Variants in MAST4 observed in about 807,000 individuals in gnomAD.
MAST4 encodes the protein microtubule-associated serine/threonine-protein kinase 4.
A neutral mutation model predicts 162.7 loss-of-function variants in MAST4; 89 were observed. The ratio of observed to expected loss-of-function variants is 0.55; its 90% CI spans 0.46 to 0.65. MAST4 has a LOEUF of 0.65. MAST4 is among the 30% of genes least tolerant of loss of function. The pLI is 0.00. For synonymous variants in MAST4, 1,479 were observed against 1,361.1 expected, an observed-to-expected ratio of 1.09 and a Z score of -1.91; for missense variants, 3,153 against 3,374.0, an observed-to-expected ratio of 0.93 and a Z score of 1.62.
At chr5:66,788,550 A>G (rs2252849) in intron 2 of MAST4, 120 bp from the exon 3 acceptor site, 147,090 of 1,202,580 alleles carry the variant, frequency 0.12, 13,144 homozygotes, top group East Asian at 0.4. Context: ...ATTACTGGGT[A>G]TGGCAGAAGT....
chr5:66,744,417 T>A (rs1241243534), intron 1 of MAST4, among the ~76,000 whole-genome samples: 1 of 152,232 alleles, frequency 6.6e-6, no homozygotes, highest in Non-Finnish European at 1.5e-5. Flanking sequence ...TTTTTAGCAT[T>A]TGTCCAGTTA....
At chr5:67,152,076 A>C (rs1313036648) in intron 24 of MAST4, among the ~76,000 whole-genome samples, 1 of 152,138 alleles carries the variant, frequency 6.6e-6, no homozygotes, top group Non-Finnish European at 1.5e-5. Context: ...GCCAGTTAAA[A>C]TTCTTTAATC....
At chr5:66,842,046 T>C (rs539655917) in intron 3 of MAST4, among the ~76,000 whole-genome samples, 16 of 152,162 alleles carry the variant, frequency 1.1e-4, no homozygotes, top group Non-Finnish European at 2.2e-4. Flanking sequence ...TAGGAAGGCA[T>C]GATATATTAA....
intron 1 of MAST4, among the ~76,000 whole-genome samples, chr5:66,613,884 G>A (rs1041364508): frequency 6.6e-6 from 1 of 152,176 alleles, no homozygotes; most frequent in Non-Finnish European, 1.5e-5. Flanking sequence ...TATAAGCATA[G>A]GGGAAAAATT....
chr5:66,906,696 T>G (rs1209894722), intron 4 of MAST4, among the ~76,000 whole-genome samples: 1 of 152,192 alleles, frequency 6.6e-6, no homozygotes, highest in South Asian at 2.1e-4. Context: ...AATTCATTAA[T>G]GGGATGCTTC....
chr5:67,143,412 TAAAAA>T (rs1011762922), intron 21 of MAST4, among the ~76,000 whole-genome samples: 1 of 151,820 alleles, frequency 6.6e-6, no homozygotes, highest in South Asian at 2.1e-4. Flanking sequence ...CAGTAAAAGT[TAAAAA>T]AAACAATTAA....
intron 1 of MAST4, among the ~76,000 whole-genome samples, chr5:66,614,187 C>T (rs1303467697): frequency 6.6e-6 from 1 of 152,162 alleles, no homozygotes; most frequent in East Asian, 1.9e-4. Flanking sequence ...ACATCTTATC[C>T]TTCACCTTTC....
chr5:66,748,444 T>TCACTCCCTCTCTCCCTCA (rs1752918130), intron 1 of MAST4, among the ~76,000 whole-genome samples: 1 of 95,954 alleles, frequency 1.0e-5, no homozygotes, highest in African/African-American at 4.3e-5. Context: ...TCCCTCCCTC[T>TCACTCCCTCTCTCCCTCA]CTCCCTCACT....
At chr5:66,864,409 G>T (rs1223986819) in intron 3 of MAST4, among the ~76,000 whole-genome samples, 1 of 152,164 alleles carries the variant, frequency 6.6e-6, no homozygotes, top group Admixed American at 6.5e-5. Context: ...TGAAGTAAGA[G>T]CCGGGAGCGG....
At chr5:66,849,202 C>A (rs1306861899) in intron 3 of MAST4, among the ~76,000 whole-genome samples, 3 of 152,122 alleles carry the variant, frequency 2.0e-5, no homozygotes, top group Non-Finnish European at 4.4e-5. Flanking sequence ...TGTTGCAGAG[C>A]TGATGGAAAT....
intron 2 of MAST4, among the ~76,000 whole-genome samples, chr5:66,778,951 G>C (rs1754726614): frequency 1.3e-5 from 2 of 152,112 alleles, no homozygotes; most frequent in South Asian, 2.1e-4. Context: ...CATCTGTCAG[G>C]TACTTAGTCT....
In MAST4 at chr5:67,164,234, C is replaced by T. The variant is rs755421986; in HGVS notation, c.5055C>T (p.Asn1685=). Residue 1685 remains asparagine, a synonymous_variant, in exon 29 of 29, where the codon AAC becomes AAT. Transcript: ENST00000403625. The surrounding 1 kb of genome is among the most constrained non-coding windows in gnomAD (Gnocchi z 5.3). ...AAAAGTTAGACAGCAAGCTGGCCAA[C>T]ATCGATTACCTCCGAAAGAAAATGT... ...RCEKLDSKLA[N]IDYLRKKMSL... is the part of the protein sequence containing the mutation. The T allele has an allele frequency of 1.2e-6, 2 of 1,613,886 alleles. No homozygotes were observed. Among genetic ancestry groups the T allele is most frequent in the Non-Finnish European group, 1.7e-6 (2 of 1,179,828 alleles).
At chr5:66,931,863 C>T (rs181499101) in intron 4 of MAST4, among the ~76,000 whole-genome samples, 11 of 152,186 alleles carry the variant, frequency 7.2e-5, no homozygotes, top group Admixed American at 5.9e-4. Flanking sequence ...CCTGGTGATC[C>T]CGTAGTGTGA....
chr5:66,951,375 C>T (rs1744653484), intron 4 of MAST4, among the ~76,000 whole-genome samples: 1 of 152,184 alleles, frequency 6.6e-6, no homozygotes, highest in East Asian at 1.9e-4. Flanking sequence ...TCAGTCCAAC[C>T]TCTGCTTTTG....
chr5:66,902,599 T>C (rs1324639345), intron 4 of MAST4: 1 of 376,646 alleles, frequency 2.7e-6, no homozygotes, highest in Non-Finnish European at 5.4e-6. Context: ...ACAATCATTT[T>C]AATGAGAACT....
At chr5:66,952,902 G>A (rs978130174) in intron 4 of MAST4, among the ~76,000 whole-genome samples, 2 of 152,136 alleles carry the variant, frequency 1.3e-5, no homozygotes, top group Non-Finnish European at 2.9e-5. Flanking sequence ...GGGAGTACCT[G>A]TCATTATCAG....
chr5:67,052,207 A>C (rs574921635), intron 4 of MAST4, among the ~76,000 whole-genome samples: 3 of 152,256 alleles, frequency 2.0e-5, no homozygotes, highest in African/African-American at 4.8e-5. Flanking sequence ...TTCACTCTAC[A>C]TTGCATTCAT....
chr5:66,867,474 G>A (rs951476565), intron 3 of MAST4, among the ~76,000 whole-genome samples: 1 of 152,126 alleles, frequency 6.6e-6, no homozygotes. Flanking sequence ...TAGTGTTAAG[G>A]GATATTTATA....
intron 4 of MAST4, among the ~76,000 whole-genome samples, chr5:66,987,638 G>A (rs1341042168): frequency 6.6e-6 from 1 of 151,646 alleles, no homozygotes; most frequent in Non-Finnish European, 1.5e-5. Flanking sequence ...TCTTTATTTT[G>A]TCTCCCTATA....
Sources: allele counts gnomAD v4.1 joint callset (sites outside exome capture counted in the v4.1 genomes callset), GRCh38; gene constraint gnomAD v4.1.1; non-coding constraint Gnocchi (gnomAD v3.1); transcripts MANE v1.5; gene names NCBI Gene and HGNC (gene_info 2026-07-23, HGNC 2026-07-21).